RREB1: variants seen among roughly 807,000 people sequenced by gnomAD.
RREB1 encodes the protein ras responsive element binding protein 1.
In RREB1, 27 loss-of-function variants were observed where a neutral mutation model predicts 117.8. The ratio of observed to expected loss-of-function variants is 0.23; its 90% confidence interval spans 0.17 to 0.32. RREB1 has a LOEUF of 0.32. Ranked by LOEUF, RREB1 falls within the 10% of genes least tolerant of loss-of-function variation. The probability of loss-of-function intolerance (pLI) is 1.00; values close to 1 mark genes in which losing one functional copy is unlikely to be tolerated. For synonymous variants in RREB1, 1,298 were observed against 1,026.7 expected (o/e 1.26, Z -5.05); for missense variants, 2,577 against 2,378.2 (o/e 1.08, Z -1.74).
Position 7,211,563 on chromosome 6 carries a change from T to G in RREB1, c.571-10T>G. On this transcript the variant is annotated splice_polypyrimidine_tract_variant and intron_variant, in intron 7 of 12. Coordinates refer to ENST00000379938, the MANE Select transcript of RREB1 (RefSeq NM_001003699.4). The stretch of plus-strand genomic sequence containing the variant: ...ACCTTCATGACTTCACTTTTTTCCT[T>G]TTCCCTCAGATGGTAGAAGACGGGC... 6.2e-7 allele frequency: 1 copy of G among 1,614,026 alleles called. No individual in the cohort carries two copies. Among genetic ancestry groups the G allele is most frequent in the Non-Finnish European group, 8.5e-7 (1 of 1,179,880 alleles).
chr6:7,168,818 A>G (rs1268114286), intron 1 of RREB1, among the ~76,000 whole-genome samples: 1 of 152,218 alleles, frequency 6.6e-6, no homozygotes, highest in Non-Finnish European at 1.5e-5. Flanking sequence ...CTTGTGCTAC[A>G]GTGGAAAGTA....
intron 1 of RREB1, among the ~76,000 whole-genome samples, chr6:7,155,853 C>T (rs780483382): frequency 2.6e-4 from 40 of 152,246 alleles, no homozygotes; most frequent in Non-Finnish European, 4.9e-4. Context: ...GTTTAGGTGT[C>T]CTTTGCTGGC....
rs1255600847 is a variant in RREB1, at chr6:7,246,531, G to A, written c.4081G>A (p.Ala1361Thr). 3.9e-6 allele frequency: 6 copies of A among 1,546,786 alleles called. No individual in the cohort carries two copies. The highest frequency in any genetic ancestry group is 1.2e-5 in the South Asian group (1 of 84,004). The change falls in exon 12 of 13, where the codon GCA (alanine) becomes ACA (threonine). Residue 1361 changes from alanine (A) to threonine (T), a missense_variant. By Grantham distance (58) the Ala-to-Thr change is moderately conservative. Transcript: ENST00000379938. ...SEGATELRQV[A>T]GDAPVEQATA... The stretch of plus-strand genomic sequence containing the variant: ...GGGCGCCACTGAGCTCCGCCAGGTC[G>A]CAGGGGATGCGCCTGTGGAGCAGGC...
At chr6:7,108,478 C>G (rs1320470220) in intron 1 of RREB1, among the ~76,000 whole-genome samples, 1 of 151,986 alleles carries the variant, frequency 6.6e-6, no homozygotes, top group Non-Finnish European at 1.5e-5. Flanking sequence ...CGGCCCGACC[C>G]GCGCCGCCGA....
chr6:7,225,364 G>C (rs1215360638), intron 8 of RREB1, among the ~76,000 whole-genome samples: 2 of 152,160 alleles, frequency 1.3e-5, no homozygotes, highest in African/African-American at 4.8e-5. Flanking sequence ...AAGTGACTGA[G>C]GAACTTTAAT....
rs758618867 is a variant in RREB1 at position 7,230,428 on chromosome 6, G to A, written c.2329G>A (p.Gly777Ser). The part of the protein sequence containing the change: ...ALRIHMRTHC[G>S]RGLGGGHKGR... ...GCGCATCCACATGCGCACGCACTGC[G>A]GCCGCGGCCTGGGCGGGGGCCACAA... The change falls in exon 10 of 13, where the codon GGC becomes AGC. Residue 777 changes from glycine (G) to serine (S), a missense_variant. Gly to Ser is a moderately conservative substitution (Grantham distance 56). Transcript: ENST00000379938. 55 of 1,590,866 alleles carry A rather than the reference G, an allele frequency of 3.5e-5. No homozygotes were observed. The highest frequency in any genetic ancestry group is 4.5e-5 in the Non-Finnish European group (53 of 1,174,566).
At position 7,230,405 on chromosome 6, in the gene RREB1, G is replaced by A. The variant is rs1767858790; in HGVS notation, c.2306G>A (p.Arg769His). The A allele has an allele frequency of 1.3e-6, 2 of 1,590,784 alleles. No individual in the cohort carries two copies. Among genetic ancestry groups the A allele is most frequent in the Non-Finnish European group, 1.7e-6 (2 of 1,173,770 alleles). Residue 769 changes from arginine (R) to histidine (H), a missense_variant, in exon 10 of 13, where the codon CGC (arginine) becomes CAC (histidine). Arg to His is a conservative substitution (Grantham distance 29). Coordinates refer to ENST00000379938, the MANE Select transcript of RREB1 (RefSeq NM_001003699.4). ...GEDLKHYRALRIHMRTHCGRG... is the reference protein window; with the variant it reads ...GEDLKHYRALHIHMRTHCGRG... ...GACCTCAAGCACTATCGTGCCCTGC[G>A]CATCCACATGCGCACGCACTGCGGC...
chr6:7,108,932 C>T (rs1182527213), intron 1 of RREB1, among the ~76,000 whole-genome samples: 2 of 151,038 alleles, frequency 1.3e-5, no homozygotes, highest in East Asian at 4.0e-4. Flanking sequence ...CGGGCCCTAG[C>T]CGTGCGGGCA....
At chr6:7,215,717 A>T (rs1766860610) in intron 8 of RREB1, 1 of 152,266 alleles carries the variant, frequency 6.6e-6, no homozygotes, top group South Asian at 2.1e-4. Context: ...GTATCATCAA[A>T]ATATAATGTC....
At chr6:7,140,843 T>TCG (rs774560232) in intron 1 of RREB1, 2 of 152,322 alleles carry the variant, frequency 1.3e-5, no homozygotes, top group Non-Finnish European at 2.9e-5. Context: ...GTGTGGTGGC[T>TCG]CGCGCGCGCT....
At chr6:7,210,719 C>A in intron 6 of RREB1, 85 bp from the exon 7 acceptor site, 2 of 1,223,528 alleles carry the variant, frequency 1.6e-6, no homozygotes, top group Non-Finnish European at 2.3e-6. Flanking sequence ...AATTTAAGTA[C>A]CAGTGCCTAA....
rs1316145283 is a variant in RREB1 at position 7,177,090 on chromosome 6, G to C, written c.-166+317G>C. ...AAAAATTAGCCAGGCGTGGTGGTGC[G>C]TGCCTGTAATCCCAGCTACTCAGGA... On this transcript the variant is annotated intron_variant, in intron 2 of 12. Transcript: ENST00000379938. 2.6e-5 allele frequency among the ~76,000 whole-genome samples: 4 copies of C among 151,786 alleles called. No individual in the cohort carries two copies. In the South Asian group the frequency reaches 8.3e-4, roughly 32 times the overall value.
At chr6:7,143,566 A>G (rs1762720729) in intron 1 of RREB1, among the ~76,000 whole-genome samples, 1 of 152,066 alleles carries the variant, frequency 6.6e-6, no homozygotes, top group Non-Finnish European at 1.5e-5. Flanking sequence ...GAAGAGAGTA[A>G]ATGGTGCTTG....
chr6:7,140,868 A>T (rs565712482), intron 1 of RREB1: 1 of 152,408 alleles, frequency 6.6e-6, no homozygotes, highest in Admixed American at 6.5e-5. Context: ...CCCGAGCGCC[A>T]GCGTGGGTGA....
At chr6:7,227,108 G>A (rs1767627368) in intron 9 of RREB1, among the ~76,000 whole-genome samples, 1 of 152,172 alleles carries the variant, frequency 6.6e-6, no homozygotes, top group Admixed American at 6.5e-5. Flanking sequence ...AGGCGTGGTG[G>A]TGTGCACCTA....
intron 4 of RREB1, among the ~76,000 whole-genome samples, chr6:7,185,559 G>A (rs1293187824): frequency 2.0e-5 from 3 of 151,752 alleles, no homozygotes; most frequent in Non-Finnish European, 4.4e-5. Flanking sequence ...AACAGAGTGA[G>A]ACTCCATTTA....
intron 1 of RREB1, among the ~76,000 whole-genome samples, chr6:7,141,374 C>G (rs1303939935): frequency 6.6e-6 from 1 of 152,234 alleles, no homozygotes; most frequent in African/African-American, 2.4e-5. Flanking sequence ...ACAACCGGAG[C>G]TCTTCAGAGA....
intron 10 of RREB1, among the ~76,000 whole-genome samples, chr6:7,232,279 T>C (rs1768041041): frequency 6.6e-6 from 1 of 152,220 alleles, no homozygotes; most frequent in South Asian, 2.1e-4. Flanking sequence ...GACGTGAGAC[T>C]TTGTATTAAG....
intron 1 of RREB1, among the ~76,000 whole-genome samples, chr6:7,122,581 C>A (rs1761725817): frequency 6.6e-6 from 1 of 152,116 alleles, no homozygotes; most frequent in Non-Finnish European, 1.5e-5. Context: ...CTGTATTTGG[C>A]CAGATGAATT....
Sources: gnomAD v4.1 joint callset for allele counts (sites outside exome capture counted in the v4.1 genomes callset) on GRCh38, gnomAD v4.1.1 for gene constraint, MANE v1.5 for transcripts, NCBI Gene and HGNC (gene_info 2026-07-23, HGNC 2026-07-21) for gene names.